KHDRBS2: variants seen among roughly 807,000 people sequenced by gnomAD.
KHDRBS2 encodes the protein KH RNA binding domain containing, signal transduction associated 2.
A neutral mutation model predicts 44.3 loss-of-function variants in KHDRBS2; 26 were observed. The ratio of observed to expected loss-of-function variants is 0.59; its 90% CI spans 0.43 to 0.81. The LOEUF (loss-of-function observed/expected upper bound fraction) is 0.81, where lower values mean the gene tolerates loss of function less well. KHDRBS2 is among the 40% of genes least tolerant of loss of function. The probability of loss-of-function intolerance (pLI) is 0.00; values close to 1 mark genes in which losing one functional copy is unlikely to be tolerated. For synonymous variants in KHDRBS2, 194 were observed against 151.1 expected, an observed-to-expected ratio of 1.28 and a Z score of -2.08; for missense variants, 476 against 433.1, an observed-to-expected ratio of 1.10 and a Z score of -0.88.
chr6:62,274,262 G>T (rs974488250), intron 1 of KHDRBS2, among the ~76,000 whole-genome samples: 2 of 152,022 alleles, frequency 1.3e-5, no homozygotes, highest in South Asian at 2.1e-4. Context: ...CTTCTCTCTC[G>T]AACTGTTGCT....
intron 4 of KHDRBS2, among the ~76,000 whole-genome samples, chr6:61,954,703 T>C (rs1258646686): frequency 8.3e-6 from 1 of 121,018 alleles, no homozygotes; most frequent in Non-Finnish European, 1.9e-5. Flanking sequence ...CATACATATG[T>C]GTATATACAC....
chr6:62,069,116 C>A (rs988117041), intron 2 of KHDRBS2, among the ~76,000 whole-genome samples: 1 of 151,498 alleles, frequency 6.6e-6, no homozygotes, highest in Non-Finnish European at 1.5e-5. Context: ...GGGAAACTGA[C>A]CTCTTGTGTA....
chr6:61,579,831 G>T, the KHDRBS2 span, among the ~76,000 whole-genome samples: 4 of 145,034 alleles, frequency 2.8e-5, no homozygotes, highest in Admixed American at 2.8e-4. Flanking sequence ...GCCGAGGTGG[G>T]TGGATCGCCT....
intron 2 of KHDRBS2, among the ~76,000 whole-genome samples, chr6:62,063,676 C>A (rs1037375081): frequency 4.9e-5 from 7 of 142,860 alleles, no homozygotes; most frequent in Non-Finnish European, 7.7e-5. Context: ...CAATATCATA[C>A]TGAATGGGCA....
chr6:62,062,439 C>G (rs1377594677), intron 2 of KHDRBS2, among the ~76,000 whole-genome samples: 3 of 151,340 alleles, frequency 2.0e-5, no homozygotes, highest in Non-Finnish European at 4.4e-5. Flanking sequence ...TCTCAGACCA[C>G]AGTGCAATCA....
intron 6 of KHDRBS2, among the ~76,000 whole-genome samples, chr6:61,809,375 A>C (rs1285670938): frequency 6.6e-6 from 1 of 152,152 alleles, no homozygotes; most frequent in Non-Finnish European, 1.5e-5. Context: ...GCCCAAGTAC[A>C]TGCTTTGACA....
intron 2 of KHDRBS2, among the ~76,000 whole-genome samples, chr6:62,138,174 TC>T (rs1347153804): frequency 1.3e-5 from 2 of 152,186 alleles, no homozygotes; most frequent in African/African-American, 4.8e-5. Context: ...CCTTCTGTCT[TC>T]CTTGATTCCA....
At position 62,027,030 on chromosome 6, in the gene KHDRBS2, G is replaced by A. The variant is rs527928318; in HGVS notation, c.336+20848C>T. ...TTATTTCCTTTTTTTTTTTCATTTCGAGAACTCTTATTGTACATGTGGAGA... is the reference window on the plus strand; with the variant it reads ...TTATTTCCTTTTTTTTTTTCATTTCAAGAACTCTTATTGTACATGTGGAGA... On this transcript the variant is annotated intron_variant, in intron 3 of 8. Transcript: ENST00000281156. 4.2e-4 allele frequency among the ~76,000 whole-genome samples: 62 copies of A among 147,940 alleles called. No individual in the cohort carries two copies. In the South Asian group the frequency reaches 7.6e-3, roughly 18 times the overall value.
the KHDRBS2 span, among the ~76,000 whole-genome samples, chr6:61,618,529 G>T: frequency 6.6e-6 from 1 of 152,098 alleles, no homozygotes; most frequent in Non-Finnish European, 1.5e-5. Context: ...GTATAATTGT[G>T]TCATGGGGGT....
intron 2 of KHDRBS2, among the ~76,000 whole-genome samples, chr6:62,070,652 C>T (rs952883239): frequency 6.6e-6 from 1 of 152,112 alleles, no homozygotes; most frequent in African/African-American, 2.4e-5. Flanking sequence ...ATCCATGCCC[C>T]TACAAAGGAC....
At chr6:62,135,216 T>C (rs1340316802) in intron 2 of KHDRBS2, among the ~76,000 whole-genome samples, 1 of 152,170 alleles carries the variant, frequency 6.6e-6, no homozygotes, top group Admixed American at 6.5e-5. Flanking sequence ...GTTCTCGTGG[T>C]AGTAAGTCTC....
intron 1 of KHDRBS2, among the ~76,000 whole-genome samples, chr6:62,277,179 C>T (rs548165537): frequency 2.0e-5 from 3 of 152,006 alleles, no homozygotes; most frequent in African/African-American, 7.2e-5. Flanking sequence ...ATCAGACCTT[C>T]CATATACTTA....
intron 6 of KHDRBS2, among the ~76,000 whole-genome samples, chr6:61,843,170 G>C (rs1326705332): frequency 6.6e-6 from 1 of 151,938 alleles, no homozygotes; most frequent in Non-Finnish European, 1.5e-5. Context: ...GGGATTGGGG[G>C]CGGTGGAGGA....
the KHDRBS2 span, among the ~76,000 whole-genome samples, chr6:61,577,836 C>T: frequency 6.0e-4 from 92 of 152,152 alleles, 2 homozygotes; most frequent in Admixed American, 4.7e-3. Context: ...CCTAACATGT[C>T]GAACATGAGA....
chr6:62,102,024 C>A (rs1403586407), intron 2 of KHDRBS2, among the ~76,000 whole-genome samples: 1 of 152,168 alleles, frequency 6.6e-6, no homozygotes, highest in African/African-American at 2.4e-5. Context: ...AGCAAATACA[C>A]TAGTTATGTC....
chr6:62,208,584 T>A (rs965355812), intron 1 of KHDRBS2, among the ~76,000 whole-genome samples: 1 of 152,160 alleles, frequency 6.6e-6, no homozygotes, highest in Non-Finnish European at 1.5e-5. Flanking sequence ...TCACCTCTTT[T>A]GGGTATATAT....
chr6:61,796,575 T>G (rs1785383107), intron 6 of KHDRBS2, among the ~76,000 whole-genome samples: 1 of 152,074 alleles, frequency 6.6e-6, no homozygotes, highest in Admixed American at 6.6e-5. Context: ...AATGATTTTA[T>G]ACAAATAAAT....
rs1439236595 is a variant in KHDRBS2, at chr6:61,930,546, G to GAAAAAAAAAAAAA, written c.484-29188_484-29176dup. On this transcript the variant is annotated intron_variant, in intron 4 of 8. Transcript: ENST00000281156. ...CCTAAAAAAAAAAAAAAAAAAAAAA[G>GAAAAAAAAAAAAA]AAAAAAAAAAAAAAAAAAAAAGGCT... Among the ~76,000 whole-genome samples the GAAAAAAAAAAAAA allele has an allele frequency of 6.1e-4, 29 of 47,572 alleles. 4 individuals are homozygous for GAAAAAAAAAAAAA. The highest frequency in any genetic ancestry group is 1.2e-3 in the Admixed American group (3 of 2,588). 31.2% of individuals were successfully genotyped at this position (47,572 alleles called of 152,430 possible).
At chr6:61,575,988 C>T in the KHDRBS2 span, among the ~76,000 whole-genome samples, 3 of 152,182 alleles carry the variant, frequency 2.0e-5, no homozygotes, top group Non-Finnish European at 2.9e-5. Context: ...TAAAATACTA[C>T]ACATTAGGTA....
Sources: allele counts gnomAD v4.1 joint callset (sites outside exome capture counted in the v4.1 genomes callset), GRCh38; gene constraint gnomAD v4.1.1; transcripts MANE v1.5; gene names NCBI Gene and HGNC (gene_info 2026-07-23, HGNC 2026-07-21).